AOX1: variants seen among roughly 807,000 people sequenced by gnomAD.
AOX1 encodes the protein aldehyde oxidase.
Under a neutral mutation model 169.5 loss-of-function variants are expected in AOX1, and 153 were observed. The observed-to-expected ratio is 0.90, with a 90% confidence interval of 0.79 to 1.03. The LOEUF is 1.03. Among genes scored for constraint, AOX1 ranks in the 50% least tolerant of loss-of-function variants. AOX1 has a pLI of 0.00. For synonymous variants in AOX1, 562 were observed against 581.9 expected (o/e 0.97, Z 0.49); for missense variants, 1,656 against 1,663.9 (o/e 1.00, Z 0.08).
At position 200,662,848 on chromosome 2, in the gene AOX1, C is replaced by A; in HGVS notation, c.3429-7C>A. 6.2e-7 allele frequency: 1 copy of A among 1,612,276 alleles called. No homozygotes were observed. The highest frequency in any genetic ancestry group is 8.5e-7 in the Non-Finnish European group (1 of 1,178,350). ...GATCACTTAACAACACTCACTGTTT[C>A]TTCCAGAGGTTATGAGTCAGACATG... On this transcript the variant is annotated splice_polypyrimidine_tract_variant and splice_region_variant and intron_variant, in intron 30 of 34. Transcript: ENST00000374700.
intron 27 of AOX1, among the ~76,000 whole-genome samples, chr2:200,658,270 T>C (rs2035734398): frequency 2.0e-5 from 3 of 152,226 alleles, no homozygotes; most frequent in Admixed American, 2.0e-4. Flanking sequence ...TGTTGAAAAT[T>C]TGTAGATAAT....
At chr2:200,642,441 A>T (rs559248758) in intron 24 of AOX1, among the ~76,000 whole-genome samples, 169 bp from the exon 25 acceptor site, 15 of 149,602 alleles carry the variant, frequency 1.0e-4, no homozygotes, top group Non-Finnish European at 1.6e-4. Context: ...TAATACTTAA[A>T]AATTATTTTA....
At chr2:200,616,295 G>T (rs1317400112) in intron 16 of AOX1, among the ~76,000 whole-genome samples, 1 of 152,218 alleles carries the variant, frequency 6.6e-6, no homozygotes, top group Non-Finnish European at 1.5e-5. Context: ...GGTCTTAAAG[G>T]TTACGTGCTT....
intron 16 of AOX1, among the ~76,000 whole-genome samples, chr2:200,618,956 G>A (rs1024276822): frequency 6.6e-6 from 1 of 152,166 alleles, no homozygotes; most frequent in Non-Finnish European, 1.5e-5. Flanking sequence ...CTGGACCAGG[G>A]CAGACTTTGA....
At chr2:200,627,487 T>C in intron 20 of AOX1, 38 bp downstream of exon 20, 1 of 1,440,732 alleles carries the variant, frequency 6.9e-7, no homozygotes, top group Non-Finnish European at 9.8e-7. Context: ...CCTGGAAGTC[T>C]TCTAAGCATG....
At chr2:200,634,140 A>G (rs1000930374) in intron 20 of AOX1, among the ~76,000 whole-genome samples, 5 of 139,634 alleles carry the variant, frequency 3.6e-5, no homozygotes, top group Non-Finnish European at 6.1e-5. Context: ...TCCTTTGGCT[A>G]GGGAGAGTGG....
At chr2:200,669,499 A>G in intron 33 of AOX1, 76 bp from the exon 34 acceptor site, 4 of 1,468,590 alleles carry the variant, frequency 2.7e-6, no homozygotes, top group South Asian at 1.3e-5. Context: ...TTATATATGC[A>G]CATATGCTAT....
chr2:200,605,491 C>A, intron 9 of AOX1, 45 bp from the exon 10 acceptor site: 1 of 1,001,386 alleles, frequency 1.0e-6, no homozygotes, highest in African/African-American at 1.8e-5. Context: ...CAGTTAGTTC[C>A]TTTATTCTAG....
intron 1 of AOX1, among the ~76,000 whole-genome samples, chr2:200,589,167 A>G (rs905950565): frequency 6.6e-6 from 1 of 152,168 alleles, no homozygotes; most frequent in Non-Finnish European, 1.5e-5. Flanking sequence ...CAGGTCACCA[A>G]AAGTTGTCCT....
intron 20 of AOX1, among the ~76,000 whole-genome samples, chr2:200,633,774 C>A (rs1040316366): frequency 2.6e-5 from 4 of 152,080 alleles, no homozygotes; most frequent in Non-Finnish European, 5.9e-5. Flanking sequence ...TGATTGTATC[C>A]TAGACATTTT....
intron 9 of AOX1, 48 bp downstream of exon 9, chr2:200,604,888 C>A: frequency 4.6e-5 from 36 of 775,138 alleles, no homozygotes; most frequent in Non-Finnish European, 6.6e-5. Flanking sequence ...AGAAAAAGGG[C>A]TTGGGATGGG....
chr2:200,657,103 T>G (rs1225042970), intron 27 of AOX1, among the ~76,000 whole-genome samples, 166 bp downstream of exon 27: 1 of 147,670 alleles, frequency 6.8e-6, no homozygotes, highest in Non-Finnish European at 1.5e-5. Flanking sequence ...GTGAGAGGAT[T>G]TCTTAAGTGA....
At chr2:200,657,725 A>G (rs2035722974) in intron 27 of AOX1, among the ~76,000 whole-genome samples, 1 of 152,120 alleles carries the variant, frequency 6.6e-6, no homozygotes, top group Non-Finnish European at 1.5e-5. Flanking sequence ...TGGCTGTCTT[A>G]TTTTAGATTA....
intron 25 of AOX1, among the ~76,000 whole-genome samples, chr2:200,649,777 C>T (rs1452851167): frequency 1.3e-5 from 2 of 152,150 alleles, no homozygotes; most frequent in African/African-American, 4.8e-5. Context: ...TCCCCTGTGC[C>T]TTCTGCTGTG....
chr2:200,629,981 A>C (rs2035082318), intron 20 of AOX1, among the ~76,000 whole-genome samples: 1 of 152,126 alleles, frequency 6.6e-6, no homozygotes, highest in Admixed American at 6.6e-5. Flanking sequence ...GCAGTAGCTC[A>C]CGTCTATAAT....
At chr2:200,592,564 C>T (rs1229811551) in intron 1 of AOX1, among the ~76,000 whole-genome samples, 1 of 152,176 alleles carries the variant, frequency 6.6e-6, no homozygotes, top group Non-Finnish European at 1.5e-5. Context: ...AGGCTGCTCC[C>T]ATGAACTTGC....
intron 5 of AOX1, among the ~76,000 whole-genome samples, chr2:200,600,294 AC>A (rs2034382613): frequency 6.6e-6 from 1 of 152,078 alleles, no homozygotes; most frequent in South Asian, 2.1e-4. Context: ...CTGCTCCCTC[AC>A]CACTCTCCCT....
rs549449125 is a variant in AOX1 at position 200,660,697 on chromosome 2, T to C, written c.3375+628T>C. 5.3e-5 allele frequency among the ~76,000 whole-genome samples: 8 copies of C among 152,366 alleles called. 1 individual carries two copies. The South Asian group carries it at 6.2e-4, about 12-fold the overall frequency. On this transcript the variant is annotated intron_variant, in intron 29 of 34. Coordinates refer to ENST00000374700, the MANE Select transcript of AOX1 (RefSeq NM_001159.4). ...TAAAAGCTGGGAGCATGTGTCACGCTGGCTATTCTAGAATGTCAGTTTTTG... is the reference window on the plus strand; with the variant it reads ...TAAAAGCTGGGAGCATGTGTCACGCCGGCTATTCTAGAATGTCAGTTTTTG...
chr2:200,622,286 C>T (rs1301387600), intron 18 of AOX1, among the ~76,000 whole-genome samples: 1 of 152,230 alleles, frequency 6.6e-6, no homozygotes, highest in Non-Finnish European at 1.5e-5. Flanking sequence ...ATTCCACACA[C>T]TGCTTCTCAC....
Sources: gnomAD v4.1 joint callset for allele counts (sites outside exome capture counted in the v4.1 genomes callset) on GRCh38, gnomAD v4.1.1 for gene constraint, MANE v1.5 for transcripts, NCBI Gene and HGNC (gene_info 2026-07-23, HGNC 2026-07-21) for gene names.